The following EIPR1 variants were observed in gnomAD, a reference collection of about 807,000 sequenced individuals.
EIPR1 encodes the protein EARP complex and GARP complex interacting protein 1.
A neutral mutation model predicts 48.1 loss-of-function variants in EIPR1; 25 were observed. The ratio of observed to expected loss-of-function variants is 0.52; its 90% CI spans 0.38 to 0.73. The LOEUF is 0.73. Among genes scored for constraint, EIPR1 ranks in the 30% least tolerant of loss-of-function variants. The pLI is 0.00. For synonymous variants in EIPR1, 204 were observed against 201.9 expected (o/e 1.01, Z -0.09); for missense variants, 415 against 506.2 (o/e 0.82, Z 1.73).
intron 3 of EIPR1, among the ~76,000 whole-genome samples, chr2:3,323,135 A>G (rs1366456510): frequency 6.6e-6 from 1 of 152,040 alleles, no homozygotes; most frequent in East Asian, 1.9e-4. Flanking sequence ...CTAGTCACTG[A>G]AGAGGATAAT....
At chr2:3,237,117 C>T (rs1666429526) in intron 4 of EIPR1, among the ~76,000 whole-genome samples, 1 of 152,042 alleles carries the variant, frequency 6.6e-6, no homozygotes, top group Admixed American at 6.5e-5. Flanking sequence ...ACAGGTCCAC[C>T]TGGGAGATGG....
intron 4 of EIPR1, 153 bp from the exon 5 acceptor site, chr2:3,214,401 T>C (rs1421604055): frequency 1.6e-6 from 1 of 625,420 alleles, no homozygotes; most frequent in Non-Finnish European, 2.8e-6. Flanking sequence ...CGGCAATGCC[T>C]GACAACACTG....
intron 4 of EIPR1, among the ~76,000 whole-genome samples, chr2:3,246,829 G>A (rs1294250015): frequency 3.2e-4 from 14 of 44,388 alleles, no homozygotes; most frequent in Non-Finnish European, 4.3e-4. Context: ...GGGAGGAAGG[G>A]AGGGAAGGAG....
intron 3 of EIPR1, among the ~76,000 whole-genome samples, chr2:3,302,955 G>A (rs1394348122): frequency 1.2e-4 from 18 of 152,214 alleles, no homozygotes; most frequent in Admixed American, 9.2e-4. Context: ...GCAGGGACAC[G>A]AAATCTGACT....
chr2:3,243,842 T>C (rs1363156887), intron 4 of EIPR1, among the ~76,000 whole-genome samples: 1 of 152,150 alleles, frequency 6.6e-6, no homozygotes, highest in Non-Finnish European at 1.5e-5. Context: ...GGCTGTGACG[T>C]ACAGGGCATG....
At chr2:3,274,404 A>G (rs1373463241) in intron 3 of EIPR1, 14 of 1,550,510 alleles carry the variant, frequency 9.0e-6, no homozygotes, top group Non-Finnish European at 1.2e-5. Flanking sequence ...ATCCAGAGAC[A>G]GCACACAACA....
chr2:3,192,857 C>T (rs1186515363), intron 7 of EIPR1, among the ~76,000 whole-genome samples: 2 of 112,428 alleles, frequency 1.8e-5, no homozygotes, highest in Non-Finnish European at 3.7e-5. Context: ...TTCAGACAAG[C>T]TTTCTAAAAT....
intron 3 of EIPR1, among the ~76,000 whole-genome samples, chr2:3,307,573 C>T (rs943033943): frequency 1.4e-4 from 22 of 152,228 alleles, no homozygotes; most frequent in Non-Finnish European, 3.2e-4. Context: ...CCACTACCTG[C>T]GCACAGCCTC....
At chr2:3,191,421 C>T (rs902697935) in intron 8 of EIPR1, among the ~76,000 whole-genome samples, 12 of 152,058 alleles carry the variant, frequency 7.9e-5, no homozygotes, top group Non-Finnish European at 1.3e-4. Flanking sequence ...AAGACAGAGA[C>T]AATCAGATGG....
At chr2:3,247,941 C>G (rs1003066511) in intron 4 of EIPR1, among the ~76,000 whole-genome samples, 1 of 152,054 alleles carries the variant, frequency 6.6e-6, no homozygotes, top group African/African-American at 2.4e-5. Flanking sequence ...TATCTATAGC[C>G]CATCTTTTCC....
rs563712652 is a variant in EIPR1 at position 3,306,912 on chromosome 2, C to T, written c.259+31105G>A. Among the ~76,000 whole-genome samples the T allele has an allele frequency of 3.0e-4, 45 of 152,226 alleles. 1 individual carries two copies. Among genetic ancestry groups the T allele is most frequent in the African/African-American group, 1.1e-3 (45 of 41,538 alleles). On this transcript the variant is annotated intron_variant, in intron 3 of 8. Coordinates refer to ENST00000382125, the MANE Select transcript of EIPR1 (RefSeq NM_003310.5). ...AAGAGAACTCCTTTTCCTATATTTG[C>T]TATTTAGGATGTACATAAATATACG...
At chr2:3,207,001 A>G (rs889428471) in intron 5 of EIPR1, among the ~76,000 whole-genome samples, 3 of 152,098 alleles carry the variant, frequency 2.0e-5, no homozygotes, top group Non-Finnish European at 2.9e-5. Flanking sequence ...GGAGACACAG[A>G]CTGCTTTCTG....
chr2:3,242,876 G>A (rs1003551965), intron 4 of EIPR1, among the ~76,000 whole-genome samples: 5 of 152,140 alleles, frequency 3.3e-5, no homozygotes, highest in African/African-American at 1.2e-4. Context: ...AGTAAAGCAC[G>A]TGACAGCTTT....
intron 1 of EIPR1, among the ~76,000 whole-genome samples, chr2:3,377,098 G>GA (rs1659909216): frequency 6.6e-6 from 1 of 152,192 alleles, no homozygotes; most frequent in Non-Finnish European, 1.5e-5. Flanking sequence ...AAACTAGTGT[G>GA]AAAACAGTTG....
Position 3,251,138 on chromosome 2 carries a change from G to A in EIPR1, c.416+6161C>T, listed in dbSNP as rs566222815. ...GTGTTCAGTTCAATTCCACCCAGGCGGCCAGCGGTCTGCTGAACTGACTTC... is the reference window on the plus strand; with the variant it reads ...GTGTTCAGTTCAATTCCACCCAGGCAGCCAGCGGTCTGCTGAACTGACTTC... On this transcript the variant is annotated intron_variant, in intron 4 of 8. Transcript: ENST00000382125. Among the ~76,000 whole-genome samples, 51 of 152,262 alleles carry A rather than the reference G, an allele frequency of 3.3e-4. No individual in the cohort carries two copies. In the East Asian group the frequency reaches 7.3e-3, roughly 22 times the overall value.
intron 5 of EIPR1, among the ~76,000 whole-genome samples, chr2:3,209,444 C>T (rs187110511): frequency 2.5e-3 from 380 of 152,316 alleles, no homozygotes; most frequent in Non-Finnish European, 3.2e-3. Context: ...CCGTGTCCCC[C>T]GCATGGCGAG....
chr2:3,327,729 T>C (rs926292168), intron 3 of EIPR1, among the ~76,000 whole-genome samples: 1 of 152,186 alleles, frequency 6.6e-6, no homozygotes, highest in African/African-American at 2.4e-5. Flanking sequence ...CCATCCAACA[T>C]ACCTGCTACT....
chr2:3,194,880 G>T (rs2103106228), intron 6 of EIPR1, among the ~76,000 whole-genome samples: 1 of 152,316 alleles, frequency 6.6e-6, no homozygotes, highest in South Asian at 2.1e-4. Context: ...AACACTGCTG[G>T]TGGCCAGTGC....
At chr2:3,344,502 T>C (rs1343246253) in intron 2 of EIPR1, among the ~76,000 whole-genome samples, 2 of 152,236 alleles carry the variant, frequency 1.3e-5, no homozygotes, top group African/African-American at 4.8e-5. Flanking sequence ...TTCCTGGCTG[T>C]GTGACCCTGG....
Sources: gnomAD v4.1 joint callset for allele counts (sites outside exome capture counted in the v4.1 genomes callset) on GRCh38, gnomAD v4.1.1 for gene constraint, MANE v1.5 for transcripts, NCBI Gene and HGNC (gene_info 2026-07-23, HGNC 2026-07-21) for gene names.